LACTB: variants seen among roughly 807,000 people sequenced by gnomAD.
LACTB encodes lactamase beta.
A neutral mutation model predicts 50.2 loss-of-function variants in LACTB; 35 were observed. That is an observed-to-expected ratio of 0.70 (90% CI 0.53 to 0.92). The LOEUF (loss-of-function observed/expected upper bound fraction) is 0.92. Among genes scored for constraint, LACTB ranks in the 40% least tolerant of loss-of-function variants. The pLI, the probability that LACTB is intolerant of heterozygous loss-of-function variation, is 0.00. For synonymous variants in LACTB, 252 were observed against 268.2 expected (o/e 0.94, Z 0.59); for missense variants, 664 against 691.8 (o/e 0.96, Z 0.45).
intron 2 of LACTB, among the ~76,000 whole-genome samples, chr15:63,125,166 A>C (rs921204002): frequency 1.0e-5 from 1 of 95,478 alleles, no homozygotes; most frequent in Non-Finnish European, 2.3e-5. Flanking sequence ...TATAAAAAAA[A>C]TTTTATTTAT....
At chr15:63,131,787 A>G (rs1168315317) in intron 5 of LACTB, among the ~76,000 whole-genome samples, 1 of 152,024 alleles carries the variant, frequency 6.6e-6, no homozygotes, top group East Asian at 1.9e-4. Context: ...TCCACAAAAA[A>G]TACAAAAATT....
At position 63,129,663 on chromosome 15, in the gene LACTB, C is replaced by T; in HGVS notation, c.1118+13C>T. 6.3e-7 allele frequency: 1 copy of T among 1,576,026 alleles called. No individual in the cohort carries two copies. The highest frequency in any genetic ancestry group is 8.6e-7 in the Non-Finnish European group (1 of 1,161,382). The stretch of plus-strand genomic sequence containing the variant: ...ACAATAGAGCAAGGTAAATGAATAC[C>T]TTCTGCTGTGTCTAGCTATATCGCA... On this transcript the variant is annotated intron_variant, in intron 5 of 5. Transcript: ENST00000261893.
intron 2 of LACTB, among the ~76,000 whole-genome samples, chr15:63,124,399 C>G (rs962591535): frequency 6.6e-6 from 1 of 152,178 alleles, no homozygotes; most frequent in African/African-American, 2.4e-5. Flanking sequence ...TGTCCTCGGT[C>G]TCTTGCCTCA....
chr15:63,126,515 A>T (rs1314336427), intron 2 of LACTB, among the ~76,000 whole-genome samples: 1 of 152,210 alleles, frequency 6.6e-6, no homozygotes, highest in East Asian at 1.9e-4. Flanking sequence ...AATAAATATA[A>T]TCTGAAGAAG....
Position 63,141,728 on chromosome 15 carries a change from T to G in LACTB, c.1567T>G (p.Cys523Gly). 2.5e-6 allele frequency: 4 copies of G among 1,614,174 alleles called. No individual in the cohort carries two copies. The highest frequency in any genetic ancestry group is 2.5e-6 in the Non-Finnish European group (3 of 1,180,028). Residue 523 changes from cysteine to glycine, a missense_variant, in exon 6 of 6, where the codon TGT becomes GGT. Transcript: ENST00000261893. ...AAGAGGAATCATTGTTTCTATCATA[T>G]GTAACATGCAATCTGTTGGCCTCAA... ...PPRGIIVSII[C>G]NMQSVGLNST...
chr15:63,138,360 G>T (rs368104171), intron 5 of LACTB, among the ~76,000 whole-genome samples: 7 of 152,266 alleles, frequency 4.6e-5, no homozygotes, highest in East Asian at 1.9e-4. Flanking sequence ...TTTCTGTGGT[G>T]ATATAACATT....
chr15:63,136,274 T>A (rs2037176436), intron 5 of LACTB, among the ~76,000 whole-genome samples: 1 of 152,234 alleles, frequency 6.6e-6, no homozygotes, highest in South Asian at 2.1e-4. Flanking sequence ...TGACCTCAAA[T>A]GATCCTCCCT....
intron 5 of LACTB, among the ~76,000 whole-genome samples, chr15:63,134,076 C>T (rs1042219330): frequency 5.3e-5 from 8 of 152,090 alleles, no homozygotes; most frequent in Admixed American, 6.6e-5. Flanking sequence ...AGAATTAATT[C>T]AGTTTTTTAA....
chr15:63,129,674 T>C (rs371618594), intron 5 of LACTB, 24 bp downstream of exon 5: 22 of 1,475,444 alleles, frequency 1.5e-5, no homozygotes, highest in Non-Finnish European at 2.0e-5. Flanking sequence ...TTCTGCTGTG[T>C]CTAGCTATAT....
rs138424147 is a variant in LACTB, at chr15:63,128,846, C to T, written c.953-639C>T. Among the ~76,000 whole-genome samples the T allele has an allele frequency of 3.6e-3, 552 of 152,060 alleles. 4 individuals are homozygous for T. Among genetic ancestry groups the T allele is most frequent in the African/African-American group, 0.013 (531 of 41,442 alleles). On this transcript the variant is annotated intron_variant, in intron 4 of 5. Transcript: ENST00000261893. The stretch of plus-strand genomic sequence containing the variant: ...GCAAACTCTGCCTCCTGGGTTTAAG[C>T]GATTTTCCTTCTTCAGCCCCCTGAG...
rs2037071215 is a variant in LACTB at position 63,127,635 on chromosome 15, A to G, written c.898A>G (p.Asn300Asp). Reference protein sequence around the residue: ...GELYLREKFENSIESLRLFKN... With the variant: ...GELYLREKFEDSIESLRLFKN... ...ATTATATTTGAGAGAAAAGTTTGAAAATTCAATTGAATCCCTAAGATTATT... is the reference window on the plus strand; with the variant it reads ...ATTATATTTGAGAGAAAAGTTTGAAGATTCAATTGAATCCCTAAGATTATT... The change falls in exon 4 of 6, where the codon AAT becomes GAT. Residue 300 changes from asparagine to aspartate, a missense_variant. Physicochemically the swap from Asn to Asp is conservative, Grantham distance 23 (BLOSUM62 1). Transcript: ENST00000261893. 6.2e-7 allele frequency: 1 copy of G among 1,608,946 alleles called. No individual in the cohort carries two copies. Among genetic ancestry groups the G allele is most frequent in the Non-Finnish European group, 8.5e-7 (1 of 1,176,766 alleles).
intron 4 of LACTB, among the ~76,000 whole-genome samples, chr15:63,129,019 G>A (rs1448857146): frequency 6.6e-6 from 1 of 152,186 alleles, no homozygotes; most frequent in Non-Finnish European, 1.5e-5. Context: ...CTAGGACACA[G>A]GAGTGAGCCA....
In LACTB at chr15:63,122,701, A is replaced by T. The variant is rs767735544; in HGVS notation, c.423A>T (p.Glu141Asp). Reference protein sequence around the residue: ...VSVDGKEVWSEGLGYADVENR... With the variant: ...VSVDGKEVWSDGLGYADVENR... ...TAGATGGAAAAGAAGTCTGGTCAGA[A>T]GGTGGGTTCAGAAAATTGTTGTTTT... The change falls in exon 2 of 6, where the codon GAA becomes GAT. Residue 141 changes from glutamate (E) to aspartate (D), a missense_variant and splice_region_variant. Coordinates refer to ENST00000261893, the MANE Select transcript of LACTB (RefSeq NM_032857.5). 6.2e-7 allele frequency: 1 copy of T among 1,609,816 alleles called. No individual in the cohort carries two copies. The highest frequency in any genetic ancestry group is 8.5e-7 in the Non-Finnish European group (1 of 1,176,010).
intron 5 of LACTB, among the ~76,000 whole-genome samples, chr15:63,138,555 T>C (rs2037195929): frequency 6.6e-6 from 1 of 152,164 alleles, no homozygotes; most frequent in Non-Finnish European, 1.5e-5. Flanking sequence ...CTGAATAAAA[T>C]TATTTTCATA....
chr15:63,122,366 C>G, intron 1 of LACTB, 138 bp downstream of exon 1: 1 of 809,834 alleles, frequency 1.2e-6, no homozygotes, highest in Non-Finnish European at 1.9e-6. Context: ...CATTTCCCCA[C>G]CGCCGAGCCG....
intron 5 of LACTB, among the ~76,000 whole-genome samples, chr15:63,139,167 GAT>G (rs1341599835): frequency 4.4e-5 from 6 of 136,546 alleles, no homozygotes; most frequent in African/African-American, 2.8e-5. Flanking sequence ...TGGCCAACAT[GAT>G]GAAGCCCCGT....
intron 2 of LACTB, among the ~76,000 whole-genome samples, chr15:63,125,179 A>ATTT (rs10625255): frequency 1.1e-4 from 17 of 147,926 alleles, no homozygotes; most frequent in East Asian, 6.0e-4. Flanking sequence ...TTATTTATTT[A>ATTT]TTTTTTTTTT....
At chr15:63,129,236 AAGG>A (rs2037096413) in intron 4 of LACTB, 1 of 273,390 alleles carries the variant, frequency 3.7e-6, no homozygotes, top group Non-Finnish European at 6.7e-6. Context: ...TTATCAGAGA[AAGG>A]AGCAGATTTA....
At chr15:63,126,822 C>T (rs766003868) in intron 2 of LACTB, 37 bp from the exon 3 acceptor site, 1 of 1,316,696 alleles carries the variant, frequency 7.6e-7, no homozygotes, top group African/African-American at 1.5e-5. Context: ...GACCATGAAG[C>T]CTGTTAATAG....
Sources: allele counts gnomAD v4.1 joint callset (sites outside exome capture counted in the v4.1 genomes callset), GRCh38; gene constraint gnomAD v4.1.1; transcripts MANE v1.5; gene names NCBI Gene and HGNC (gene_info 2026-07-23, HGNC 2026-07-21).